DOK6: variants seen among roughly 807,000 people sequenced by gnomAD.
The protein encoded by DOK6 is docking protein 6.
DOK6 carries 22 observed loss-of-function variants against 44.0 expected under a neutral mutation model. The observed-to-expected ratio is 0.50, with a 90% CI of 0.36 to 0.71. The LOEUF is 0.71. Among genes scored for constraint, DOK6 ranks in the 30% least tolerant of loss-of-function variants. The pLI, the probability that DOK6 is intolerant of heterozygous loss-of-function variation, is 0.00. For missense variants in DOK6, 340 were observed against 416.4 expected, an observed-to-expected ratio of 0.82 and a Z score of 1.60; for synonymous variants, 166 against 145.5, an observed-to-expected ratio of 1.14 and a Z score of -1.01.
intron 2 of DOK6, among the ~76,000 whole-genome samples, chr18:69,585,313 T>C (rs1388348997): frequency 1.3e-5 from 2 of 151,850 alleles, no homozygotes; most frequent in East Asian, 1.9e-4. Flanking sequence ...ATTATCTTAT[T>C]ATAAATTTTA....
At chr18:69,689,660 G>A (rs988622396) in intron 4 of DOK6, among the ~76,000 whole-genome samples, 3 of 152,040 alleles carry the variant, frequency 2.0e-5, no homozygotes, top group Non-Finnish European at 4.4e-5. Context: ...CTCAATGTAA[G>A]TTTATAATCA....
intron 6 of DOK6, among the ~76,000 whole-genome samples, chr18:69,749,401 A>G (rs1263045112): frequency 6.6e-6 from 1 of 152,204 alleles, no homozygotes; most frequent in African/African-American, 2.4e-5. Context: ...AAAATAATGC[A>G]ATATTTATTA....
chr18:69,452,112 A>G (rs1979485288), intron 1 of DOK6, among the ~76,000 whole-genome samples: 1 of 152,056 alleles, frequency 6.6e-6, no homozygotes, highest in South Asian at 2.1e-4. Context: ...CAAAAAATCA[A>G]TGAATCCAGG....
At chr18:69,495,483 G>A (rs542379459) in intron 1 of DOK6, among the ~76,000 whole-genome samples, 1 of 152,282 alleles carries the variant, frequency 6.6e-6, no homozygotes, top group East Asian at 1.9e-4. Context: ...GCTCCTCTCT[G>A]CAGCTGGTTG....
chr18:69,407,878 A>G (rs924683419), intron 1 of DOK6, among the ~76,000 whole-genome samples: 1 of 152,236 alleles, frequency 6.6e-6, no homozygotes, highest in Non-Finnish European at 1.5e-5. Context: ...GAACAAAGAC[A>G]TATTAATGCT....
intron 7 of DOK6, among the ~76,000 whole-genome samples, chr18:69,769,656 T>C (rs1480728215): frequency 6.6e-6 from 1 of 152,160 alleles, no homozygotes; most frequent in Non-Finnish European, 1.5e-5. Context: ...TGTTTGAGGA[T>C]ATCTCTACAT....
chr18:69,796,311 C>T (rs1980743260), intron 7 of DOK6, among the ~76,000 whole-genome samples: 1 of 152,148 alleles, frequency 6.6e-6, no homozygotes, highest in Non-Finnish European at 1.5e-5. Flanking sequence ...TAATGAGAAA[C>T]TGTTACCAAA....
At chr18:69,443,814 G>C (rs1419647443) in intron 1 of DOK6, among the ~76,000 whole-genome samples, 5 of 152,090 alleles carry the variant, frequency 3.3e-5, no homozygotes, top group Non-Finnish European at 5.9e-5. Flanking sequence ...CCTGCGTTTT[G>C]CTAGGATAGA....
chr18:69,402,541 G>T (rs763048381), intron 1 of DOK6, among the ~76,000 whole-genome samples: 10 of 152,240 alleles, frequency 6.6e-5, no homozygotes, highest in Non-Finnish European at 8.8e-5. Context: ...AGTTGGCGGC[G>T]CCAGGTGTTG....
intron 2 of DOK6, among the ~76,000 whole-genome samples, chr18:69,596,689 A>T (rs1395414246): frequency 2.0e-5 from 3 of 152,228 alleles, no homozygotes; most frequent in African/African-American, 7.2e-5. Flanking sequence ...ACTCACAGAC[A>T]TGCCTTACAA....
intron 1 of DOK6, among the ~76,000 whole-genome samples, chr18:69,407,732 T>C (rs1371274695): frequency 4.6e-5 from 7 of 152,226 alleles, no homozygotes; most frequent in South Asian, 4.1e-4. Flanking sequence ...AAACTATTGT[T>C]TACATGGTAC....
At chr18:69,657,925 G>A (rs991599186) in intron 3 of DOK6, among the ~76,000 whole-genome samples, 3 of 151,888 alleles carry the variant, frequency 2.0e-5, no homozygotes, top group Admixed American at 1.3e-4. Flanking sequence ...GTGGGTTTTT[G>A]TTGTTGTTGC....
chr18:69,621,895 G>C (rs999393734), intron 3 of DOK6, among the ~76,000 whole-genome samples: 14 of 152,078 alleles, frequency 9.2e-5, no homozygotes, highest in African/African-American at 3.4e-4. Flanking sequence ...TGATCTTACA[G>C]TGTTTTTAAA....
intron 3 of DOK6, among the ~76,000 whole-genome samples, chr18:69,627,056 A>G (rs1984572557): frequency 6.6e-6 from 1 of 152,174 alleles, no homozygotes; most frequent in South Asian, 2.1e-4. Flanking sequence ...AGACCTGGGT[A>G]AATACTCTCA....
chr18:69,522,190 T>C (rs1340574267), intron 1 of DOK6, among the ~76,000 whole-genome samples: 1 of 151,690 alleles, frequency 6.6e-6, no homozygotes, highest in African/African-American at 2.4e-5. Context: ...TAACAGTATA[T>C]TGTTGGTTCA....
chr18:69,573,985 G>C (rs1423098284), intron 2 of DOK6, among the ~76,000 whole-genome samples: 1 of 151,994 alleles, frequency 6.6e-6, no homozygotes, highest in Non-Finnish European at 1.5e-5. Flanking sequence ...TGTTGAGTGA[G>C]ATAAGTAACA....
At chr18:69,551,094 A>C (rs371724234) in intron 1 of DOK6, among the ~76,000 whole-genome samples, 2 of 152,302 alleles carry the variant, frequency 1.3e-5, no homozygotes, top group Middle Eastern at 3.4e-3. Context: ...AAGGAAAAAA[A>C]CATTAGTGAA....
intron 4 of DOK6, among the ~76,000 whole-genome samples, chr18:69,692,301 A>G (rs1321397857): frequency 6.6e-6 from 1 of 152,358 alleles, no homozygotes; most frequent in Non-Finnish European, 1.5e-5. Context: ...CCTTATGGGC[A>G]ATAGTGAATT....
chr18:69,697,395 C>A (rs1986411539), intron 4 of DOK6, among the ~76,000 whole-genome samples: 1 of 151,336 alleles, frequency 6.6e-6, no homozygotes. Context: ...GGTATATCTG[C>A]CAGTAATTCT....
Sources: allele counts gnomAD v4.1 joint callset (sites outside exome capture counted in the v4.1 genomes callset), GRCh38; gene constraint gnomAD v4.1.1; transcripts MANE v1.5; gene names NCBI Gene and HGNC (gene_info 2026-07-23, HGNC 2026-07-21).